Variants in SLC44A2 observed in about 807,000 individuals in gnomAD.
SLC44A2 encodes the protein choline transporter-like protein 2.
A neutral mutation model predicts 90.8 loss-of-function variants in SLC44A2; 57 were observed. That is an observed-to-expected ratio of 0.63 (90% CI 0.51 to 0.78). The LOEUF is 0.78. SLC44A2 is among the 30% of genes least tolerant of loss of function. SLC44A2 has a pLI of 0.00. For missense variants in SLC44A2, 794 were observed against 919.7 expected, an observed-to-expected ratio of 0.86 and a Z score of 1.77; for synonymous variants, 355 against 360.7, an observed-to-expected ratio of 0.98 and a Z score of 0.18.
Position 10,643,585 on chromosome 19 carries a change from C to T in SLC44A2, c.*200C>T. On this transcript the variant is annotated 3_prime_UTR_variant, in exon 22 of 22. Transcript: ENST00000335757. The stretch of plus-strand genomic sequence containing the variant: ...TATGCCAAGGGGCGCTTGGAGTTTT[C>T]ATGGCTGCCCCTCCAGACTGCGAGA... 1 of 553,524 alleles carries T rather than the reference C, an allele frequency of 1.8e-6. No individual in the cohort carries two copies. Among genetic ancestry groups the T allele is most frequent in the Non-Finnish European group, 3.0e-6 (1 of 329,162 alleles). The allele number at this position is 553,524 out of a possible 1,614,324, so 34.3% of individuals were successfully genotyped here.
At chr19:10,610,331 CT>C (rs1158338646) in intron 1 of SLC44A2, among the ~76,000 whole-genome samples, 8,955 of 134,194 alleles carry the variant, frequency 0.067, 127 homozygotes, top group Middle Eastern at 0.11. Context: ...TTTTCTTTTC[CT>C]TTTTTTTTTT....
chr19:10,638,909 C>T (rs145218713), intron 20 of SLC44A2, among the ~76,000 whole-genome samples: 60 of 151,834 alleles, frequency 4.0e-4, no homozygotes, highest in African/African-American at 1.4e-3. Context: ...AAGTAATTCT[C>T]CTGCCTCAGC....
At position 10,636,420 on chromosome 19, in the gene SLC44A2, G is replaced by A; in HGVS notation, c.1331G>A (p.Gly444Asp). Reference protein sequence around the residue: ...GESGYHRALLGLQIFNAFMFF... With the variant: ...GESGYHRALLDLQIFNAFMFF... Reference sequence around the variant, plus strand: ...TCGGGCTACCACCGGGCCCTGCTGGGCCTGCAGATCTTCAATGCCTTCATG... The same window carrying A: ...TCGGGCTACCACCGGGCCCTGCTGGACCTGCAGATCTTCAATGCCTTCATG... The change falls in exon 15 of 22, where the codon GGC becomes GAC. Residue 444 changes from glycine (G) to aspartate (D), a missense_variant. By Grantham distance (94) the Gly-to-Asp change is moderately conservative. Coordinates refer to ENST00000335757, the MANE Select transcript of SLC44A2 (RefSeq NM_020428.4). The A allele has an allele frequency of 1.9e-6, 3 of 1,614,074 alleles. No homozygotes were observed. The highest frequency in any genetic ancestry group is 2.5e-6 in the Non-Finnish European group (3 of 1,180,020).
Position 10,631,893 on chromosome 19 carries a change from C to CG in SLC44A2, c.654dup (p.Gln219AlafsTer8), listed in dbSNP as rs2066999998. 6.2e-6 allele frequency: 10 copies of CG among 1,614,104 alleles called. No homozygotes were observed. The highest frequency in any genetic ancestry group is 1.3e-5 in the African/African-American group (1 of 74,934). ...GAAAGCCAATGGAGTCCTAGAGGCG[C>CG]GGCAACTCGCCATGCGCATATTTGA... On this transcript the variant is annotated frameshift_variant, in exon 9 of 22. Transcript: ENST00000335757. LOFTEE classifies it high-confidence loss of function.
upstream of SLC44A2, among the ~76,000 whole-genome samples, chr19:10,624,306 T>C (rs372460932): frequency 4.3e-4 from 66 of 151,796 alleles, 3 homozygotes; most frequent in South Asian, 0.013. Context: ...TATTTTCTTT[T>C]TTCTTTTTCT....
At chr19:10,605,512 C>T (rs1328406417) in intron 1 of SLC44A2, among the ~76,000 whole-genome samples, 1 of 150,476 alleles carries the variant, frequency 6.6e-6, no homozygotes, top group Non-Finnish European at 1.5e-5. Context: ...GAAATTCAGT[C>T]TCGAAATAAA....
chr19:10,627,488 C>CTA (rs2066946290), intron 2 of SLC44A2, among the ~76,000 whole-genome samples: 1 of 152,050 alleles, frequency 6.6e-6, no homozygotes, highest in African/African-American at 2.4e-5. Flanking sequence ...CTGTAGTGAG[C>CTA]TATGATCATG....
intron 1 of SLC44A2, among the ~76,000 whole-genome samples, chr19:10,609,231 C>G (rs1193269962): frequency 1.3e-5 from 2 of 152,078 alleles, no homozygotes; most frequent in African/African-American, 2.4e-5. Flanking sequence ...GCTGAGATTA[C>G]AAGCGTGAGC....
rs2067146006 is a variant in SLC44A2, at chr19:10,644,213, C to T, written c.*828C>T. ...TTGTAAGAGAGGAAAGAAACTAAAC[C>T]CACCCAAGGGATGATGTCAGGGGGA... On this transcript the variant is annotated 3_prime_UTR_variant, in exon 22 of 22. Coordinates refer to ENST00000335757, the MANE Select transcript of SLC44A2 (RefSeq NM_020428.4). 1 of 152,592 alleles carries T rather than the reference C, an allele frequency of 6.6e-6. No homozygotes were observed. The highest frequency in any genetic ancestry group is 2.4e-5 in the African/African-American group (1 of 41,420). The allele number at this position is 152,592 out of a possible 1,614,324, so 9.5% of individuals were successfully genotyped here.
At chr19:10,610,508 A>G (rs906533775) in intron 1 of SLC44A2, among the ~76,000 whole-genome samples, 3 of 130,014 alleles carry the variant, frequency 2.3e-5, no homozygotes, top group Non-Finnish European at 4.9e-5. Context: ...ATTTTTTTGT[A>G]TTTTTTTAGT....
exon 1 of SLC44A2, chr19:10,602,514 CCCGCCCCG>C (rs1243670806): frequency 7.9e-7 from 1 of 1,269,494 alleles, no homozygotes. Context: ...GACTCCGCTC[CCCGCCCCG>C]CCGCGGCCAT....
At chr19:10,635,771 T>A in intron 14 of SLC44A2, 1 of 332,848 alleles carries the variant, frequency 3.0e-6, no homozygotes. Context: ...TTTCCCTACT[T>A]CCTTTTTTTT....
intron 4 of SLC44A2, among the ~76,000 whole-genome samples, chr19:10,629,158 C>T (rs1293032997): frequency 6.7e-6 from 1 of 148,418 alleles, no homozygotes; most frequent in Non-Finnish European, 1.5e-5. Flanking sequence ...GAGCCGAGAT[C>T]GTGCCACTGC....
intron 1 of SLC44A2, among the ~76,000 whole-genome samples, chr19:10,605,597 G>A (rs1027846240): frequency 4.6e-5 from 7 of 152,112 alleles, no homozygotes; most frequent in African/African-American, 1.7e-4. Context: ...TGAGGCCGGA[G>A]AATCGCTTCA....
chr19:10,635,320 T>G (rs2067042205), intron 13 of SLC44A2, 65 bp downstream of exon 13: 1 of 1,606,620 alleles, frequency 6.2e-7, no homozygotes, highest in South Asian at 1.1e-5. Context: ...TGCCTAGAAG[T>G]GACCTGCAGC....
At chr19:10,606,398 G>A (rs1014163713) in intron 1 of SLC44A2, among the ~76,000 whole-genome samples, 1 of 152,064 alleles carries the variant, frequency 6.6e-6, no homozygotes, top group African/African-American at 2.4e-5. Flanking sequence ...ACATGTGGCC[G>A]GGTGTGGTGG....
chr19:10,643,178 C>T, intron 21 of SLC44A2, 101 bp from the exon 22 acceptor site: 1 of 1,482,836 alleles, frequency 6.7e-7, no homozygotes, highest in Non-Finnish European at 8.9e-7. Flanking sequence ...GCTTTCTAAC[C>T]CTCTGAGGCT....
At chr19:10,628,919 A>G (rs2066963534) in intron 4 of SLC44A2, among the ~76,000 whole-genome samples, 1 of 152,104 alleles carries the variant, frequency 6.6e-6, no homozygotes, top group African/African-American at 2.4e-5. Context: ...TACAGAGCTT[A>G]GAATGCCACC....
At chr19:10,607,041 A>G (rs1490120102) in intron 1 of SLC44A2, among the ~76,000 whole-genome samples, 4 of 149,522 alleles carry the variant, frequency 2.7e-5, no homozygotes, top group Non-Finnish European at 5.9e-5. Context: ...CCTCCCGAGT[A>G]GCTGGGACTA....
Sources: gnomAD v4.1 joint callset for allele counts (sites outside exome capture counted in the v4.1 genomes callset) on GRCh38, gnomAD v4.1.1 for gene constraint, MANE v1.5 for transcripts, NCBI Gene and HGNC (gene_info 2026-07-23, HGNC 2026-07-21) for gene names.